Variants in ZC3H4 observed in about 807,000 individuals in gnomAD.
ZC3H4 encodes the protein zinc finger CCCH-type containing 4.
In ZC3H4, 13 loss-of-function variants were observed where a neutral mutation model predicts 108.3. That is an observed-to-expected ratio of 0.12 (90% CI 0.08 to 0.19). The LOEUF is 0.19. Ranked by LOEUF, ZC3H4 falls within the 10% of genes least tolerant of loss-of-function variation. The pLI, the probability that ZC3H4 is intolerant of heterozygous loss-of-function variation, is 1.00. For missense variants in ZC3H4, 1,734 were observed against 1,838.8 expected, an observed-to-expected ratio of 0.94 and a Z score of 1.04; for synonymous variants, 917 against 749.6, an observed-to-expected ratio of 1.22 and a Z score of -3.65.
At chr19:47,110,858 G>C (rs574679137) in intron 2 of ZC3H4, 1 of 960,804 alleles carries the variant, frequency 1.0e-6, no homozygotes, top group Admixed American at 6.2e-5. Flanking sequence ...CATTTAATTA[G>C]AACAAAACAG....
In ZC3H4 at chr19:47,086,407, C is replaced by T. The variant is rs1013923317; in HGVS notation, c.847G>A (p.Asp283Asn). ...ACGTCCATCTCTTCCTCGTAGAAAT[C>T]CTCTTCATCCTCCGGGTGGTCTCCT... ...MGGDHPEDEE[D>N]FYEEEMDYGE... is the part of the protein sequence containing the mutation. The change falls in exon 6 of 15, where the codon GAT (aspartate) becomes AAT (asparagine). Residue 283 changes from aspartate to asparagine, a missense_variant. Physicochemically the swap from Asp to Asn is conservative, Grantham distance 23. Around this residue, in one of 9 missense-constraint regions of ZC3H4, gnomAD observed 403 missense variants for 457.0 expected, o/e 0.88. Transcript: ENST00000253048. 6.2e-7 allele frequency: 1 copy of T among 1,613,460 alleles called. No individual in the cohort carries two copies. The highest frequency in any genetic ancestry group is 8.5e-7 in the Non-Finnish European group (1 of 1,179,890).
Position 47,072,802 on chromosome 19 carries a change from A to G in ZC3H4, c.1441-89T>C. On this transcript the variant is annotated intron_variant, in intron 11 of 14. Transcript: ENST00000253048. This position sits in a 1 kb window ranked among gnomAD's most constrained non-coding sequence, Gnocchi z 5.6. ...GTCTGAGAGCTGAAGTTTATGAGGA[A>G]AAGTCCATAATACAAGGACCTTGAG... 9 of 1,476,214 alleles carry G rather than the reference A, an allele frequency of 6.1e-6. No homozygotes were observed. Among genetic ancestry groups the G allele is most frequent in the Non-Finnish European group, 8.3e-6 (9 of 1,088,592 alleles). The allele number at this position is 1,476,214 out of a possible 1,614,324, so 91.4% of individuals were successfully genotyped here.
At chr19:47,090,332 C>G (rs1171929041) in intron 4 of ZC3H4, 143 bp from the exon 5 acceptor site, 1 of 851,622 alleles carries the variant, frequency 1.2e-6, no homozygotes, top group Non-Finnish European at 1.8e-6. Flanking sequence ...GTCTCCAGCC[C>G]CTCTGGGGAC....
chr19:47,067,271 G>C lies in ZC3H4; in HGVS notation c.2997C>G (p.Pro999=). Residue 999 remains proline (P), a synonymous_variant, in exon 15 of 15, where the codon CCC becomes CCG. Transcript: ENST00000253048. This position sits in a 1 kb window ranked among gnomAD's most constrained non-coding sequence, Gnocchi z 6.4. The part of the protein sequence containing the change: ...IPKQDAVPPV[P]AALQSMPTLD... ...GGGTGGGCATGGATTGCAGGGCCGC[G>C]GGCACGGGGGGCACTGCGTCCTGCT... The C allele has an allele frequency of 6.3e-7, 1 of 1,587,376 alleles. No homozygotes were observed. Among genetic ancestry groups the C allele is most frequent in the Non-Finnish European group, 8.6e-7 (1 of 1,166,644 alleles).
intron 2 of ZC3H4, among the ~76,000 whole-genome samples, chr19:47,096,488 G>A (rs1600093952): frequency 6.6e-6 from 1 of 152,220 alleles, no homozygotes; most frequent in Non-Finnish European, 1.5e-5. Context: ...TTGTCCCAAG[G>A]GAGAAGCTGT....
intron 11 of ZC3H4, among the ~76,000 whole-genome samples, chr19:47,080,282 C>A (rs1349180466): frequency 6.6e-6 from 1 of 152,208 alleles, no homozygotes; most frequent in African/African-American, 2.4e-5. Flanking sequence ...CAGCCTGACT[C>A]CTCAGGGAGG....
rs1258583029 is a variant in ZC3H4 at position 47,067,932 on chromosome 19, T to TCC, written c.2399-65_2399-64dup. 2 of 1,479,988 alleles carry TCC rather than the reference T, an allele frequency of 1.4e-6. No individual in the cohort carries two copies. The allele number at this position is 1,479,988 out of a possible 1,614,324, so 91.7% of individuals were successfully genotyped here. On this transcript the variant is annotated intron_variant, in intron 14 of 14. Transcript: ENST00000253048. This position sits in a 1 kb window ranked among gnomAD's most constrained non-coding sequence, Gnocchi z 6.4. The stretch of plus-strand genomic sequence containing the variant: ...CGCATCCACCACCCGCCCTCTTGGA[T>TCC]CCCACAGCAGCCCACCGTGAGCAGC...
chr19:47,090,025 G>T lies in ZC3H4; in HGVS notation c.657C>A (p.Asp219Glu). 2 of 1,614,214 alleles carry T rather than the reference G, an allele frequency of 1.2e-6. No homozygotes were observed. The highest frequency in any genetic ancestry group is 1.7e-5 in the Admixed American group (1 of 60,030). Reference sequence around the variant, plus strand: ...GGTACTGGTTCAGCTCTTTGGTGAAGTCGTCATAGTCCTCCTTGCCCATGT... The same window carrying T: ...GGTACTGGTTCAGCTCTTTGGTGAATTCGTCATAGTCCTCCTTGCCCATGT... Reference protein sequence around the residue: ...EEDMGKEDYDDFTKELNQYRR... With the variant: ...EEDMGKEDYDEFTKELNQYRR... The change falls in exon 5 of 15, where the codon GAC (aspartate) becomes GAA (glutamate). Residue 219 changes from aspartate (D) to glutamate (E), a missense_variant. Asp to Glu is a conservative substitution (Grantham distance 45). Coordinates refer to ENST00000253048, the MANE Select transcript of ZC3H4 (RefSeq NM_015168.2).
At position 47,087,079 on chromosome 19, in the gene ZC3H4, C is replaced by A. The variant is rs537895266; in HGVS notation, c.716-541G>T. Among the ~76,000 whole-genome samples the A allele has an allele frequency of 3.1e-4, 47 of 151,744 alleles. No individual in the cohort carries two copies. In the South Asian group the frequency reaches 9.8e-3, roughly 32 times the overall value. ...TCACCTTAGGTCAGGAGTTTGAGAC[C>A]ATCCTGGCCAACATGGTGAAATCTT... On this transcript the variant is annotated intron_variant, in intron 5 of 14. Transcript: ENST00000253048.
Position 47,085,068 on chromosome 19 carries a change from G to A in ZC3H4, c.1095C>T (p.Asp365=), listed in dbSNP as rs2287842. 447,713 of 1,613,938 alleles carry A rather than the reference G, an allele frequency of 0.28. 64,504 individuals are homozygous for A. Among genetic ancestry groups the A allele is most frequent in the Admixed American group, 0.3 (17,724 of 60,000 alleles). ...GGMNDDEDFY[D]EDMGDGGGGS... ...GGAGTCAACTCACGCCCATGTCCTC[G>A]TCATAGAAGTCTTCGTCATCGTTCA... is the stretch of plus-strand genomic sequence containing the variant. The change falls in exon 8 of 15, where the codon GAC becomes GAT. Residue 365 remains aspartate, a synonymous_variant. Coordinates refer to ENST00000253048, the MANE Select transcript of ZC3H4 (RefSeq NM_015168.2).
intron 1 of ZC3H4, 83 bp downstream of exon 1, chr19:47,113,637 G>C (rs1244511817): frequency 6.6e-6 from 1 of 152,266 alleles, no homozygotes; most frequent in East Asian, 1.9e-4. Flanking sequence ...CTAGTTTGAA[G>C]GAAGGCGGGA....
chr19:47,093,892 C>T, intron 4 of ZC3H4, 78 bp downstream of exon 4: 4 of 1,314,514 alleles, frequency 3.0e-6, no homozygotes, highest in Non-Finnish European at 4.3e-6. Flanking sequence ...ATGCCCAGAA[C>T]ACAGCAAGTG....
At chr19:47,073,149 T>C (rs1443874976) in intron 11 of ZC3H4, among the ~76,000 whole-genome samples, 1 of 151,904 alleles carries the variant, frequency 6.6e-6, no homozygotes, top group African/African-American at 2.4e-5. Context: ...AGTGCACGCC[T>C]GTAGTCTCAG....
rs548021483 is a variant in ZC3H4 at position 47,086,556 on chromosome 19, T to C, written c.716-18A>G. 1.3e-6 allele frequency: 2 copies of C among 1,564,796 alleles called. No individual in the cohort carries two copies. The highest frequency in any genetic ancestry group is 1.4e-5 in the African/African-American group (1 of 72,706). The stretch of plus-strand genomic sequence containing the variant: ...TCGGCTGCCTGCATGGAGATTCAGA[T>C]AGTGAGCCTCCAGCAGGAGCAGATG... On this transcript the variant is annotated intron_variant, in intron 5 of 14. Transcript: ENST00000253048.
Position 47,067,761 on chromosome 19 carries a change from A to C in ZC3H4, c.2507T>G (p.Val836Gly). Residue 836 changes from valine to glycine, a missense_variant, in exon 15 of 15, where the codon GTT becomes GGT. This residue lies in a region of ZC3H4 where 540 missense variants were observed against 484.1 expected (regional missense o/e 1.12). Coordinates refer to ENST00000253048, the MANE Select transcript of ZC3H4 (RefSeq NM_015168.2). The surrounding 1 kb of genome is among the most constrained non-coding windows in gnomAD (Gnocchi z 6.4). ...QQTSSRPPAS[V>G]GELSSSGLGD... ...CAGCCCACTGCTGCTCAGCTCCCCAACTGAAGCCGGGGGTCGGCTGGACGT... is the reference window on the plus strand; with the variant it reads ...CAGCCCACTGCTGCTCAGCTCCCCACCTGAAGCCGGGGGTCGGCTGGACGT... The C allele has an allele frequency of 6.2e-7, 1 of 1,609,510 alleles. No homozygotes were observed. Among genetic ancestry groups the C allele is most frequent in the Non-Finnish European group, 8.5e-7 (1 of 1,178,868 alleles).
chr19:47,084,648 T>C (rs1257020080), intron 8 of ZC3H4, among the ~76,000 whole-genome samples, 193 bp from the exon 9 acceptor site: 2 of 152,230 alleles, frequency 1.3e-5, no homozygotes, highest in African/African-American at 4.8e-5. Flanking sequence ...TGTTGCTGCC[T>C]GGTGAGGAAA....
chr19:47,105,346 A>C (rs763541314), intron 2 of ZC3H4, among the ~76,000 whole-genome samples: 5 of 152,178 alleles, frequency 3.3e-5, no homozygotes, highest in South Asian at 2.1e-4. Flanking sequence ...CATACCTGTA[A>C]TCCTATCACT....
intron 2 of ZC3H4, among the ~76,000 whole-genome samples, chr19:47,108,864 T>C (rs1334533128): frequency 2.0e-5 from 3 of 152,122 alleles, no homozygotes; most frequent in Non-Finnish European, 2.9e-5. Context: ...TTTTTTTCTT[T>C]TAAAGAGCAA....
chr19:47,069,405 C>A, intron 13 of ZC3H4, 62 bp from the exon 14 acceptor site: 1 of 1,556,330 alleles, frequency 6.4e-7, no homozygotes. Context: ...AACTCCAGCC[C>A]CCCTGCCCCT....
Sources: allele counts gnomAD v4.1 joint callset (sites outside exome capture counted in the v4.1 genomes callset), GRCh38; gene constraint gnomAD v4.1.1; regional missense constraint gnomAD v4.1.1; non-coding constraint Gnocchi (gnomAD v3.1); transcripts MANE v1.5; gene names NCBI Gene and HGNC (gene_info 2026-07-23, HGNC 2026-07-21).